The following CEP192 variants were observed in gnomAD, a reference collection of about 807,000 sequenced individuals.
CEP192 encodes the protein centrosomal protein 192, also known as centrosomal protein of 192 kDa.
CEP192 carries 151 observed loss-of-function variants against 271.8 expected under a neutral mutation model. The observed-to-expected ratio is 0.56, with a 90% CI of 0.49 to 0.64. CEP192 has a LOEUF of 0.64. Ranked by LOEUF, CEP192 falls within the 30% of genes least tolerant of loss-of-function variation. The pLI, the probability that CEP192 is intolerant of heterozygous loss-of-function variation, is 0.00. For synonymous variants in CEP192, 995 were observed against 1,076.5 expected, an observed-to-expected ratio of 0.92 and a Z score of 1.48; for missense variants, 2,910 against 3,020.5, an observed-to-expected ratio of 0.96 and a Z score of 0.86.
intron 30 of CEP192, among the ~76,000 whole-genome samples, chr18:13,082,041 G>A (rs1429142181): frequency 6.6e-6 from 1 of 152,148 alleles, no homozygotes; most frequent in East Asian, 1.9e-4. Flanking sequence ...GGTCAGTTTT[G>A]GAATAAGTGT....
intron 35 of CEP192, 70 bp downstream of exon 35, chr18:13,095,751 T>C: frequency 7.3e-7 from 1 of 1,369,524 alleles, no homozygotes; most frequent in Non-Finnish European, 1.0e-6. Flanking sequence ...ATTGTGCCCA[T>C]GGCCTATCCA....
chr18:13,122,424 AAAAC>A (rs1182986533), intron 44 of CEP192, among the ~76,000 whole-genome samples: 1 of 152,154 alleles, frequency 6.6e-6, no homozygotes, highest in Non-Finnish European at 1.5e-5. Context: ...CCGTCTCAAA[AAAAC>A]AAAGTAGCCG....
intron 16 of CEP192, 37 bp from the exon 17 acceptor site, chr18:13,049,728 T>C (rs1401617947): frequency 6.9e-6 from 11 of 1,603,984 alleles, no homozygotes; most frequent in Non-Finnish European, 9.4e-6. Context: ...ACAAAGTTTA[T>C]TTTCTCTTCT....
chr18:13,003,451 GAAA>G (rs545191456), intron 3 of CEP192, among the ~76,000 whole-genome samples: 1,068 of 101,498 alleles, frequency 0.011, 11 homozygotes, highest in African/African-American at 0.035. Flanking sequence ...TCTGTCTCAA[GAAA>G]AAAAAAAAAA....
At chr18:13,100,990 A>ACTTAC (rs2039677300) in intron 38 of CEP192, among the ~76,000 whole-genome samples, 1 of 152,046 alleles carries the variant, frequency 6.6e-6, no homozygotes, top group South Asian at 2.1e-4. Context: ...GCAGACCCTG[A>ACTTAC]CTTACGGTGG....
chr18:13,041,533 G>A (rs1329057774), intron 14 of CEP192, among the ~76,000 whole-genome samples: 1 of 151,466 alleles, frequency 6.6e-6, no homozygotes, highest in Non-Finnish European at 1.5e-5. Flanking sequence ...CTCTAAAGAT[G>A]CACCCACTTA....
intron 1 of CEP192, among the ~76,000 whole-genome samples, chr18:12,991,844 A>G (rs2032875162): frequency 6.6e-6 from 1 of 152,056 alleles, no homozygotes; most frequent in South Asian, 2.1e-4. Context: ...TGTTTCCTTT[A>G]TGTGCCCTGT....
intron 44 of CEP192, among the ~76,000 whole-genome samples, chr18:13,119,079 G>A (rs913166717): frequency 7.2e-5 from 11 of 152,182 alleles, no homozygotes; most frequent in African/African-American, 2.7e-4. Flanking sequence ...TGATGCTCTA[G>A]TGTGCGTAAT....
Position 13,120,687 on chromosome 18 carries a change from T to G in CEP192, c.7475+3044T>G, listed in dbSNP as rs182166161. Among the ~76,000 whole-genome samples, 55 of 152,360 alleles carry G rather than the reference T, an allele frequency of 3.6e-4. 1 individual carries two copies. Among genetic ancestry groups the G allele is most frequent in the Admixed American group, 3.6e-3 (55 of 15,302 alleles). ...TTATACTCTATTAGTGGCGGACACT[T>G]AAGTTATTCTGATTATGGTGAGTTT... On this transcript the variant is annotated intron_variant, in intron 44 of 44. Coordinates refer to ENST00000506447, the MANE Select transcript of CEP192 (RefSeq NM_032142.4).
In CEP192 at chr18:13,019,212, T is replaced by A; in HGVS notation, c.1050+6T>A. The A allele has an allele frequency of 6.7e-7, 1 of 1,482,684 alleles. No individual in the cohort carries two copies. The highest frequency in any genetic ancestry group is 8.9e-7 in the Non-Finnish European group (1 of 1,120,448). The allele number at this position is 1,482,684 out of a possible 1,614,324, so 91.8% of individuals were successfully genotyped here. On this transcript the variant is annotated splice_donor_region_variant and intron_variant, in intron 9 of 44. Coordinates refer to ENST00000506447, the MANE Select transcript of CEP192 (RefSeq NM_032142.4). ...TTGTTCCAGATCTTAACAGTGTAAG[T>A]TATGCATTTTTCTTAGATTTCCTAT...
At chr18:13,017,408 AC>A in intron 7 of CEP192, 72 bp downstream of exon 7, 1 of 1,202,160 alleles carries the variant, frequency 8.3e-7, no homozygotes, top group Non-Finnish European at 1.1e-6. Context: ...TTGGATGTTC[AC>A]ATGAAATGTA....
intron 32 of CEP192, among the ~76,000 whole-genome samples, chr18:13,088,093 C>T (rs572527822): frequency 2.6e-5 from 4 of 152,080 alleles, no homozygotes; most frequent in Non-Finnish European, 1.5e-5. Flanking sequence ...GTTGAATTTT[C>T]GAAATGTGTA....
At chr18:13,114,306 AG>A (rs2040338061) in intron 42 of CEP192, 55 bp downstream of exon 42, 1 of 1,576,192 alleles carries the variant, frequency 6.3e-7, no homozygotes, top group African/African-American at 1.4e-5. Context: ...ATTGAGGAAT[AG>A]AGTCAGTAAA....
chr18:13,105,884 A>G (rs1659995030), intron 40 of CEP192, among the ~76,000 whole-genome samples: 1 of 152,204 alleles, frequency 6.6e-6, no homozygotes, highest in South Asian at 2.1e-4. Context: ...GAAGCCCAAC[A>G]AGAAAGACAT....
intron 3 of CEP192, among the ~76,000 whole-genome samples, chr18:13,001,969 C>T (rs1162735026): frequency 6.6e-6 from 1 of 152,220 alleles, no homozygotes; most frequent in Admixed American, 6.5e-5. Context: ...GCGTTGGCCT[C>T]CCAAAGTGCT....
Position 13,100,331 on chromosome 18 carries a change from A to G in CEP192, c.6690A>G (p.Glu2230=). Residue 2230 remains glutamate (E), a synonymous_variant, in exon 38 of 45, where the codon GAA becomes GAG. Transcript: ENST00000506447. ...QKKIVKVQIR[E]DLTQVELLTR... ...AAATTGTGAAAGTTCAAATTCGAGA[A>G]GATTTAACTCAAGTGGAACTTTTAA... 6.2e-7 allele frequency: 1 copy of G among 1,614,024 alleles called. No homozygotes were observed. The highest frequency in any genetic ancestry group is 1.1e-5 in the South Asian group (1 of 91,078).
chr18:13,038,729 C>G (rs1027620434), intron 13 of CEP192, 150 bp downstream of exon 13: 5 of 648,292 alleles, frequency 7.7e-6, no homozygotes, highest in Non-Finnish European at 1.4e-5. Flanking sequence ...CAGACCTTTA[C>G]TGCAGTTCTA....
At chr18:13,115,849 C>T (rs564453648) in intron 42 of CEP192, among the ~76,000 whole-genome samples, 62 of 152,056 alleles carry the variant, frequency 4.1e-4, no homozygotes, top group African/African-American at 1.4e-3. Flanking sequence ...TGGGGGGTGC[C>T]GAGCTAGGTG....
intron 30 of CEP192, among the ~76,000 whole-genome samples, chr18:13,073,739 G>C (rs2038130310): frequency 6.6e-6 from 1 of 152,186 alleles, no homozygotes; most frequent in African/African-American, 2.4e-5. Flanking sequence ...GCTGCCTCCA[G>C]TCTCTTTTAT....
Sources: gnomAD v4.1 joint callset for allele counts (sites outside exome capture counted in the v4.1 genomes callset) on GRCh38, gnomAD v4.1.1 for gene constraint, MANE v1.5 for transcripts, NCBI Gene and HGNC (gene_info 2026-07-23, HGNC 2026-07-21) for gene names.